IL1RAPL1: variants seen among roughly 807,000 people sequenced by gnomAD.
IL1RAPL1 encodes the protein interleukin 1 receptor accessory protein like 1, also known as interleukin-1 receptor accessory protein-like 1.
In IL1RAPL1, 3 loss-of-function variants were observed where a neutral mutation model predicts 48.4. The ratio of observed to expected loss-of-function variants is 0.06; its 90% CI spans 0.03 to 0.16. IL1RAPL1 has a LOEUF of 0.16. Ranked by LOEUF, IL1RAPL1 falls within the 10% of genes least tolerant of loss-of-function variation. The pLI is 1.00. For synonymous variants in IL1RAPL1, 185 were observed against 187.7 expected (o/e 0.99, Z 0.12); for missense variants, 349 against 530.6 (o/e 0.66, Z 3.36).
chrX:29,650,787 C>T (rs1925493455), intron 5 of IL1RAPL1, among the ~76,000 whole-genome samples: 1 of 110,102 alleles, frequency 9.1e-6, no homozygotes, highest in Admixed American at 9.7e-5. Flanking sequence ...GGAATTTTAT[C>T]AAACTAAGAA....
chrX:29,282,907 CTCTCTT>C (rs1932224883), intron 2 of IL1RAPL1, 25 bp from the exon 3 acceptor site: 1 of 1,200,617 alleles, frequency 8.3e-7, no homozygotes. Flanking sequence ...AATGTTTTTC[CTCTCTT>C]TCTCTGTCTC....
chrX:29,264,659 A>G (rs1931920447), intron 2 of IL1RAPL1, among the ~76,000 whole-genome samples: 1 of 110,684 alleles, frequency 9.0e-6, no homozygotes, highest in African/African-American at 3.3e-5. Flanking sequence ...TGTTTTTACT[A>G]TATAAGCAAT....
chrX:29,205,836 G>C (rs1440408335), intron 2 of IL1RAPL1, among the ~76,000 whole-genome samples: 2 of 109,799 alleles, frequency 1.8e-5, no homozygotes, highest in East Asian at 5.7e-4. Context: ...CCGGGTTCAA[G>C]CGATTCTCCT....
In IL1RAPL1 at chrX:29,917,473, C is replaced by T; in HGVS notation, c.788C>T (p.Ala263Val). Residue 263 changes from alanine to valine, a missense_variant, in exon 7 of 11, where the codon GCT (alanine) becomes GTT (valine). Physicochemically the swap from Ala to Val is moderately conservative, Grantham distance 64. This residue lies in a region of IL1RAPL1 where 238 missense variants were observed against 337.8 expected (regional missense o/e 0.70). Coordinates refer to ENST00000378993, the MANE Select transcript of IL1RAPL1 (RefSeq NM_014271.4). ...TIQETQLGDS[A>V]NLTCRAFFGY... ...TCACTTCTCTCTGCAGGTGACTCTG[C>T]TAATCTAACCTGCAGAGCTTTCTTT... 3.3e-6 allele frequency: 4 copies of T among 1,208,301 alleles called. No homozygotes were observed. Among genetic ancestry groups the T allele is most frequent in the South Asian group, 1.8e-5 (1 of 56,866 alleles).
At chrX:28,638,340 G>A (rs991335869) in intron 1 of IL1RAPL1, among the ~76,000 whole-genome samples, 1 of 111,232 alleles carries the variant, frequency 9.0e-6, no homozygotes, top group Admixed American at 9.6e-5. Context: ...GAGTAGTCAA[G>A]TACATTGAAT....
At chrX:28,780,829 C>T (rs1197893874) in intron 1 of IL1RAPL1, among the ~76,000 whole-genome samples, 1 of 109,540 alleles carries the variant, frequency 9.1e-6, no homozygotes, top group Non-Finnish European at 1.9e-5. Flanking sequence ...ATTATTCATA[C>T]TATGGATAAT....
intron 2 of IL1RAPL1, among the ~76,000 whole-genome samples, chrX:28,837,403 T>C (rs1921249189): frequency 2.7e-5 from 3 of 111,365 alleles, no homozygotes; most frequent in South Asian, 3.7e-4. Context: ...GGCCTACTTA[T>C]AATTCTGTAA....
chrX:29,332,653 ATT>A (rs1166480434), intron 3 of IL1RAPL1, among the ~76,000 whole-genome samples: 56 of 65,616 alleles, frequency 8.5e-4, no homozygotes, highest in African/African-American at 2.6e-3. Flanking sequence ...TATTTATTTT[ATT>A]TTTTTTTTTT....
Position 29,911,957 on chromosome X carries a change from G to T in IL1RAPL1, c.779-5507G>T, listed in dbSNP as rs756496500. 2.7e-5 allele frequency among the ~76,000 whole-genome samples: 3 copies of T among 112,236 alleles called. No homozygotes were observed. The South Asian group carries it at 1.1e-3, about 41-fold the overall frequency. On this transcript the variant is annotated intron_variant, in intron 6 of 10. Coordinates refer to ENST00000378993, the MANE Select transcript of IL1RAPL1 (RefSeq NM_014271.4). ...ATGTGCAGTAGTACACTATTGTATA[G>T]TATTTCCACCATACGGATACTATAG...
rs61436993 is a variant in IL1RAPL1, at chrX:28,815,839, G to GTATATATA, written c.82+26453_82+26460dup. Among the ~76,000 whole-genome samples the GTATATATA allele has an allele frequency of 8.9e-3, 258 of 29,070 alleles. 12 individuals carry two copies. Among genetic ancestry groups the GTATATATA allele is most frequent in the Non-Finnish European group, 0.014 (179 of 12,973 alleles). 25.2% of individuals were successfully genotyped at this position (29,070 alleles called of 115,157 possible). On this transcript the variant is annotated intron_variant, in intron 2 of 10. Transcript: ENST00000378993. ...CTATTGTGTATGTATGTGTGTTTAT[G>GTATATATA]TATATATATATATATATATATATAT...
chrX:28,603,647 C>T (rs1040860271), intron 1 of IL1RAPL1, among the ~76,000 whole-genome samples: 1 of 110,019 alleles, frequency 9.1e-6, no homozygotes, highest in African/African-American at 3.3e-5. Context: ...CAATTTAGTT[C>T]AATAATTATC....
intron 9 of IL1RAPL1, among the ~76,000 whole-genome samples, chrX:29,947,098 T>C (rs1336554268): frequency 9.0e-6 from 1 of 111,692 alleles, no homozygotes; most frequent in Non-Finnish European, 1.9e-5. Flanking sequence ...TTTAGTTAAA[T>C]GCTTGCTGAC....
intron 2 of IL1RAPL1, among the ~76,000 whole-genome samples, chrX:29,082,364 G>A (rs1239078608): frequency 8.9e-6 from 1 of 112,250 alleles, no homozygotes; most frequent in African/African-American, 3.2e-5. Flanking sequence ...TTATTCAGAT[G>A]TTGTGCCAAA....
At chrX:29,456,741 A>T (rs2054640000) in intron 5 of IL1RAPL1, among the ~76,000 whole-genome samples, 1 of 111,475 alleles carries the variant, frequency 9.0e-6, no homozygotes, top group Non-Finnish European at 1.9e-5. Context: ...TAGGAAAGGG[A>T]GTGAAAGAAT....
intron 6 of IL1RAPL1, among the ~76,000 whole-genome samples, chrX:29,715,154 C>T (rs982791489): frequency 1.8e-5 from 2 of 111,660 alleles, no homozygotes; most frequent in Non-Finnish European, 3.8e-5. Context: ...AACCTTCAAG[C>T]ACGCCTATTT....
chrX:29,312,496 G>A (rs1025322218), intron 3 of IL1RAPL1, among the ~76,000 whole-genome samples: 2 of 111,743 alleles, frequency 1.8e-5, no homozygotes, highest in African/African-American at 3.3e-5. Context: ...CACTTAGTCT[G>A]TCTTATTCAA....
At chrX:29,838,626 C>T (rs927513805) in intron 6 of IL1RAPL1, among the ~76,000 whole-genome samples, 1 of 111,846 alleles carries the variant, frequency 8.9e-6, no homozygotes, top group African/African-American at 3.3e-5. Flanking sequence ...AATTTCTCTT[C>T]TTGTTTTTAC....
intron 6 of IL1RAPL1, among the ~76,000 whole-genome samples, chrX:29,758,831 G>A (rs1188389015): frequency 2.7e-5 from 3 of 110,986 alleles, no homozygotes; most frequent in South Asian, 3.8e-4. Flanking sequence ...AATACCCACC[G>A]TGTTTCACAT....
At chrX:29,016,633 A>G (rs967617191) in intron 2 of IL1RAPL1, among the ~76,000 whole-genome samples, 2 of 111,413 alleles carry the variant, frequency 1.8e-5, no homozygotes, top group Middle Eastern at 4.7e-3. Flanking sequence ...CGGCATACCA[A>G]TGTGTCACTT....
Sources: allele counts gnomAD v4.1 joint callset (sites outside exome capture counted in the v4.1 genomes callset), GRCh38; gene constraint gnomAD v4.1.1; regional missense constraint gnomAD v4.1.1; transcripts MANE v1.5; gene names NCBI Gene and HGNC (gene_info 2026-07-23, HGNC 2026-07-21).